Variants in PHACTR4 observed in about 807,000 individuals in gnomAD.
The protein encoded by PHACTR4 is phosphatase and actin regulator 4.
PHACTR4 carries 51 observed loss-of-function variants against 72.7 expected under a neutral mutation model. That is an observed-to-expected ratio of 0.70 (90% CI 0.56 to 0.89). PHACTR4 has a LOEUF of 0.89. Among genes scored for constraint, PHACTR4 ranks in the 40% least tolerant of loss-of-function variants. PHACTR4 has a pLI of 0.00. For missense variants in PHACTR4, 731 were observed against 861.8 expected, an observed-to-expected ratio of 0.85 and a Z score of 1.90; for synonymous variants, 255 against 302.5, an observed-to-expected ratio of 0.84 and a Z score of 1.63.
intron 7 of PHACTR4, among the ~76,000 whole-genome samples, chr1:28,474,843 T>C (rs1414835664): frequency 1.3e-5 from 2 of 151,838 alleles, no homozygotes; most frequent in South Asian, 2.1e-4. Context: ...GCGCCCAGCA[T>C]TGTGAATAAA....
chr1:28,493,554 AT>A (rs373804097), intron 13 of PHACTR4, among the ~76,000 whole-genome samples: 2,159 of 145,056 alleles, frequency 0.015, 20 homozygotes, highest in Non-Finnish European at 0.025. Flanking sequence ...AAAAAAAAAA[AT>A]AAGTAAATGT....
Position 28,491,766 on chromosome 1 carries a change from CAA to C in PHACTR4, c.1997_1998del (p.Lys666ThrfsTer5). 1 of 1,614,002 alleles carries C rather than the reference CAA, an allele frequency of 6.2e-7. No individual in the cohort carries two copies. ...YDRRADKPWT[K>X]LTPADKAAIR... ...ACCGGCGAGCCGACAAACCTTGGAC[CAA>C]ACTGACCCCTGCTGACAAGGTACCT... is the stretch of plus-strand genomic sequence containing the variant. On this transcript the variant is annotated frameshift_variant, in exon 12 of 14. Coordinates refer to ENST00000373839, the MANE Select transcript of PHACTR4 (RefSeq NM_001048183.3). LOFTEE classifies it high-confidence loss of function.
intron 1 of PHACTR4, among the ~76,000 whole-genome samples, chr1:28,389,477 C>CTTTT (rs557958697): frequency 7.7e-6 from 1 of 129,828 alleles, no homozygotes; most frequent in African/African-American, 3.0e-5. Flanking sequence ...TTGTATACTA[C>CTTTT]TTTTTTTTTT....
At chr1:28,485,625 G>A (rs1660592373) in intron 9 of PHACTR4, among the ~76,000 whole-genome samples, 1 of 148,380 alleles carries the variant, frequency 6.7e-6, no homozygotes. Flanking sequence ...TATTGGCCAG[G>A]TGTGGTGGCT....
intron 2 of PHACTR4, among the ~76,000 whole-genome samples, chr1:28,431,605 A>C (rs551248722): frequency 6.6e-6 from 1 of 152,224 alleles, no homozygotes; most frequent in South Asian, 2.1e-4. Flanking sequence ...TGTCTTTAGT[A>C]ATGAAGCCCA....
intron 1 of PHACTR4, among the ~76,000 whole-genome samples, chr1:28,382,593 G>A (rs572487286): frequency 3.9e-5 from 6 of 152,134 alleles, no homozygotes; most frequent in South Asian, 4.2e-4. Context: ...GTGAGCCACC[G>A]CGCCCGGCCT....
At position 28,415,749 on chromosome 1, in the gene PHACTR4, G is replaced by A. The variant is rs75503650; in HGVS notation, c.16+8286G>A. 1.8e-3 allele frequency among the ~76,000 whole-genome samples: 275 copies of A among 152,248 alleles called. 9 individuals are homozygous for A. In the East Asian group the frequency reaches 0.041, roughly 23 times the overall value. ...AGTTTGCATTCTGAATTTAAAGCTA[G>A]TTGCAAAGGCTTTATTCATATGCAT... On this transcript the variant is annotated intron_variant, in intron 2 of 13. Coordinates refer to ENST00000373839, the MANE Select transcript of PHACTR4 (RefSeq NM_001048183.3).
At chr1:28,433,489 G>A (rs376742968) in intron 2 of PHACTR4, among the ~76,000 whole-genome samples, 8 of 124,046 alleles carry the variant, frequency 6.4e-5, no homozygotes, top group African/African-American at 2.5e-4. Flanking sequence ...AGACAGTCTC[G>A]CCCTGTCACC....
chr1:28,435,882 G>T (rs1324892418), intron 2 of PHACTR4, among the ~76,000 whole-genome samples: 1 of 152,194 alleles, frequency 6.6e-6, no homozygotes, highest in Non-Finnish European at 1.5e-5. Flanking sequence ...ATAAGTATAA[G>T]TACCTAGGTT....
At chr1:28,484,747 CACG>C (rs1660524257) in intron 9 of PHACTR4, among the ~76,000 whole-genome samples, 1 of 151,580 alleles carries the variant, frequency 6.6e-6, no homozygotes, top group Admixed American at 6.6e-5. Flanking sequence ...GCGGGTGGAT[CACG>C]AGGTCAGGAG....
intron 8 of PHACTR4, among the ~76,000 whole-genome samples, chr1:28,477,252 ATTT>A: frequency 6.6e-6 from 1 of 150,642 alleles, no homozygotes; most frequent in Non-Finnish European, 1.5e-5. Context: ...GGCCCAGCTA[ATTT>A]TTTTTTATTT....
intron 2 of PHACTR4, among the ~76,000 whole-genome samples, chr1:28,418,486 CAAAA>C (rs1255665019): frequency 6.7e-6 from 1 of 150,348 alleles, no homozygotes; most frequent in African/African-American, 2.4e-5. Flanking sequence ...ATCTCAAAAA[CAAAA>C]AACAAAACAA....
intron 1 of PHACTR4, among the ~76,000 whole-genome samples, chr1:28,393,406 C>A (rs1426536897): frequency 6.6e-6 from 1 of 152,140 alleles, no homozygotes. Context: ...AATAACACTT[C>A]TGTCAATGCT....
At chr1:28,461,377 G>A (rs1313055882) in intron 4 of PHACTR4, among the ~76,000 whole-genome samples, 1 of 152,088 alleles carries the variant, frequency 6.6e-6, no homozygotes, top group Non-Finnish European at 1.5e-5. Flanking sequence ...GGAGGCAGAG[G>A]TTGCAGTGAG....
chr1:28,405,483 T>G (rs1654254095), intron 1 of PHACTR4, among the ~76,000 whole-genome samples: 1 of 151,356 alleles, frequency 6.6e-6, no homozygotes, highest in Non-Finnish European at 1.5e-5. Context: ...CAGGCCACCA[T>G]GCCCAGCTAA....
chr1:28,475,929 G>A (rs1434923741), intron 7 of PHACTR4, among the ~76,000 whole-genome samples, 178 bp from the exon 8 acceptor site: 2 of 152,052 alleles, frequency 1.3e-5, no homozygotes, highest in Non-Finnish European at 1.5e-5. Flanking sequence ...GTTTCACCAT[G>A]TTGGCCAGGC....
intron 2 of PHACTR4, among the ~76,000 whole-genome samples, chr1:28,435,873 T>C (rs1393199051): frequency 6.6e-6 from 1 of 152,246 alleles, no homozygotes; most frequent in Non-Finnish European, 1.5e-5. Context: ...TTTAGGCTAA[T>C]AAGTATAAGT....
intron 2 of PHACTR4, among the ~76,000 whole-genome samples, chr1:28,429,759 C>G (rs1656117465): frequency 6.6e-6 from 1 of 152,196 alleles, no homozygotes; most frequent in Admixed American, 6.5e-5. Context: ...CAAGGAATTT[C>G]TAGCTTAATT....
chr1:28,382,478 T>G (rs1486007741), intron 1 of PHACTR4, among the ~76,000 whole-genome samples: 1 of 151,510 alleles, frequency 6.6e-6, no homozygotes, highest in African/African-American at 2.4e-5. Flanking sequence ...TAATTTTTTG[T>G]ATGTTTAGTA....
Sources: allele counts gnomAD v4.1 joint callset (sites outside exome capture counted in the v4.1 genomes callset), GRCh38; gene constraint gnomAD v4.1.1; transcripts MANE v1.5; gene names NCBI Gene and HGNC (gene_info 2026-07-23, HGNC 2026-07-21).